The following DLG2 variants were observed in gnomAD, a reference collection of about 807,000 sequenced individuals.
The protein encoded by DLG2 is discs large MAGUK scaffold protein 2.
Under a neutral mutation model 132.5 loss-of-function variants are expected in DLG2, and 45 were observed. The observed-to-expected ratio is 0.34, with a 90% CI of 0.27 to 0.44. The LOEUF (loss-of-function observed/expected upper bound fraction) is 0.44. Among genes scored for constraint, DLG2 ranks in the 20% least tolerant of loss-of-function variants. The pLI is 1.00. For synonymous variants in DLG2, 424 were observed against 419.6 expected, an observed-to-expected ratio of 1.01 and a Z score of -0.13; for missense variants, 1,045 against 1,196.9, an observed-to-expected ratio of 0.87 and a Z score of 1.87.
chr11:83,552,116 C>CA (rs1206960105), intron 19 of DLG2, among the ~76,000 whole-genome samples: 2 of 152,024 alleles, frequency 1.3e-5, no homozygotes, highest in African/African-American at 2.4e-5. Flanking sequence ...ACGAGATTGG[C>CA]AAAAAACAAT....
intron 6 of DLG2, among the ~76,000 whole-genome samples, chr11:84,745,549 C>G (rs2065251509): frequency 6.6e-6 from 1 of 152,256 alleles, no homozygotes; most frequent in Admixed American, 6.5e-5. Context: ...ATTACCCAGT[C>G]TCAGGTATTT....
At chr11:84,775,041 A>G (rs2070190014) in intron 6 of DLG2, among the ~76,000 whole-genome samples, 1 of 152,196 alleles carries the variant, frequency 6.6e-6, no homozygotes, top group Non-Finnish European at 1.5e-5. Context: ...GCATCTAACA[A>G]AGGTCTAATA....
At chr11:85,353,730 T>C (rs1051404067) in intron 3 of DLG2, among the ~76,000 whole-genome samples, 10 of 152,006 alleles carry the variant, frequency 6.6e-5, no homozygotes, top group African/African-American at 2.4e-4. Context: ...GAGCAAACTA[T>C]CTCATGGACA....
intron 8 of DLG2, among the ~76,000 whole-genome samples, chr11:84,228,972 T>A (rs2097050667): frequency 6.6e-6 from 1 of 152,310 alleles, no homozygotes; most frequent in African/African-American, 2.4e-5. Context: ...ATTAAAAAGC[T>A]GTGGTGAGGA....
chr11:85,407,707 A>G (rs2152974765), intron 3 of DLG2, among the ~76,000 whole-genome samples: 1 of 151,930 alleles, frequency 6.6e-6, no homozygotes, highest in Middle Eastern at 3.4e-3. Flanking sequence ...AATCACACAG[A>G]AAAACTCTGG....
intron 4 of DLG2, among the ~76,000 whole-genome samples, chr11:85,210,490 G>A (rs1430130581): frequency 6.6e-6 from 1 of 152,060 alleles, no homozygotes; most frequent in Non-Finnish European, 1.5e-5. Flanking sequence ...GCCTTCTCAG[G>A]TCAAATTATC....
At chr11:85,509,854 A>G (rs1033256202) in intron 3 of DLG2, 1 of 152,066 alleles carries the variant, frequency 6.6e-6, no homozygotes, top group Admixed American at 6.6e-5. Context: ...ATATAACTGG[A>G]GAATTTGATC....
rs532749107 is a variant in DLG2, at chr11:85,307,032, T to A, written c.41-21667A>T. Among the ~76,000 whole-genome samples, 9 of 152,242 alleles carry A rather than the reference T, an allele frequency of 5.9e-5. No homozygotes were observed. The South Asian group carries it at 1.9e-3, about 32-fold the overall frequency. On this transcript the variant is annotated intron_variant, in intron 3 of 27. Coordinates refer to ENST00000376104, the MANE Select transcript of DLG2 (RefSeq NM_001142699.3). Reference sequence around the variant, plus strand: ...ATGCAAAGGCTGCAAGGAGGGGGGATGAAAAATACTGCAAGAAATAAGCAA... The same window carrying A: ...ATGCAAAGGCTGCAAGGAGGGGGGAAGAAAAATACTGCAAGAAATAAGCAA...
intron 6 of DLG2, among the ~76,000 whole-genome samples, chr11:84,600,682 G>C (rs539410241): frequency 1.3e-5 from 2 of 152,134 alleles, no homozygotes; most frequent in African/African-American, 4.8e-5. Flanking sequence ...GCAGTATTTA[G>C]TGTCAAGACC....
At chr11:84,037,205 T>C (rs1340306504) in intron 11 of DLG2, among the ~76,000 whole-genome samples, 2 of 152,112 alleles carry the variant, frequency 1.3e-5, no homozygotes, top group African/African-American at 4.8e-5. Flanking sequence ...AATGAAAATA[T>C]CAATTCTAGT....
At chr11:84,463,535 G>C (rs895047248) in intron 7 of DLG2, among the ~76,000 whole-genome samples, 2 of 151,190 alleles carry the variant, frequency 1.3e-5, no homozygotes, top group African/African-American at 4.8e-5. Flanking sequence ...TGAGACAAGA[G>C]AAGGGGAGGA....
intron 6 of DLG2, among the ~76,000 whole-genome samples, chr11:84,886,141 T>G (rs1275023442): frequency 6.6e-6 from 1 of 152,104 alleles, no homozygotes; most frequent in Non-Finnish European, 1.5e-5. Flanking sequence ...CAGGAAAAGC[T>G]TTGAAGAATG....
rs1160750863 is a variant in DLG2 at position 83,641,630 on chromosome 11, CCA to C, written c.1826-8307_1826-8306del. Among the ~76,000 whole-genome samples, 5 of 152,228 alleles carry C rather than the reference CCA, an allele frequency of 3.3e-5. No individual in the cohort carries two copies. The South Asian group carries it at 1.0e-3, about 32-fold the overall frequency. ...CTATTTGAGGAGCGTGGCTCCCCTC[CCA>C]GATACGCACTGGAATGCTCACCTCC... On this transcript the variant is annotated intron_variant, in intron 18 of 27. Coordinates refer to ENST00000376104, the MANE Select transcript of DLG2 (RefSeq NM_001142699.3).
chr11:83,504,710 T>TA (rs748301951), intron 21 of DLG2, among the ~76,000 whole-genome samples: 4 of 152,136 alleles, frequency 2.6e-5, no homozygotes, highest in African/African-American at 4.8e-5. Context: ...AGTGGATCAC[T>TA]AGGAGTGATG....
intron 6 of DLG2, among the ~76,000 whole-genome samples, chr11:84,846,306 A>G (rs2081468049): frequency 6.6e-6 from 1 of 152,132 alleles, no homozygotes; most frequent in Non-Finnish European, 1.5e-5. Context: ...TAGGTTACCA[A>G]TGCCTCAAAC....
chr11:84,164,229 A>G (rs2095611661), intron 8 of DLG2, among the ~76,000 whole-genome samples: 1 of 152,240 alleles, frequency 6.6e-6, no homozygotes, highest in South Asian at 2.1e-4. Flanking sequence ...AGATTTCCAC[A>G]AATGTGCACA....
intron 6 of DLG2, among the ~76,000 whole-genome samples, chr11:84,656,017 G>A (rs1014597769): frequency 2.0e-5 from 3 of 152,104 alleles, no homozygotes; most frequent in Non-Finnish European, 2.9e-5. Flanking sequence ...CAGAGACAAA[G>A]AAAAGATGTG....
chr11:84,837,026 A>G (rs1223607052), intron 6 of DLG2, among the ~76,000 whole-genome samples: 2 of 151,592 alleles, frequency 1.3e-5, no homozygotes, highest in Non-Finnish European at 2.9e-5. Flanking sequence ...CCACCCCACA[A>G]CAGGCCCCAG....
chr11:84,558,653 C>T (rs930565892), intron 6 of DLG2, among the ~76,000 whole-genome samples: 11 of 152,122 alleles, frequency 7.2e-5, no homozygotes, highest in African/African-American at 2.2e-4. Flanking sequence ...CTTCAAATAC[C>T]TACCGCTCCC....
Sources: allele counts gnomAD v4.1 joint callset (sites outside exome capture counted in the v4.1 genomes callset), GRCh38; gene constraint gnomAD v4.1.1; transcripts MANE v1.5; gene names NCBI Gene and HGNC (gene_info 2026-07-23, HGNC 2026-07-21).